BEAN1: variants seen among roughly 807,000 people sequenced by gnomAD.
The protein encoded by BEAN1 is protein BEAN1.
In BEAN1, 17 loss-of-function variants were observed where a neutral mutation model predicts 17.7. That is an observed-to-expected ratio of 0.96 (90% CI 0.66 to 1.44). The LOEUF (loss-of-function observed/expected upper bound fraction) is 1.44, where lower values mean the gene tolerates loss of function less well. Among genes scored for constraint, BEAN1 ranks in the 40% most tolerant of loss-of-function variants. BEAN1 has a pLI of 0.00. For missense variants in BEAN1, 359 were observed against 374.1 expected (o/e 0.96, Z 0.33); for synonymous variants, 142 against 151.8 (o/e 0.94, Z 0.47).
chr16:66,454,316 G>A (rs1198101385), intron 2 of BEAN1, among the ~76,000 whole-genome samples: 5 of 152,130 alleles, frequency 3.3e-5, no homozygotes, highest in Non-Finnish European at 7.4e-5. Flanking sequence ...GTCAGTTATT[G>A]AGATTGGGAC....
intron 2 of BEAN1, 128 bp from the exon 3 acceptor site, chr16:66,469,474 C>A: frequency 1.7e-6 from 2 of 1,166,510 alleles, no homozygotes; most frequent in Non-Finnish European, 2.4e-6. Context: ...GGATAGAGTC[C>A]GTGGGCCTGA....
rs547322615 is a variant in BEAN1, at chr16:66,446,012, G to A, written c.25+8311G>A. On this transcript the variant is annotated intron_variant, in intron 2 of 4. Transcript: ENST00000536005. ...AGCCTGGCCAACATAGTGAAACCCC[G>A]TCTCTACTAAAAATACAAAAATTAG... 4.6e-5 allele frequency among the ~76,000 whole-genome samples: 7 copies of A among 152,120 alleles called. No individual in the cohort carries two copies. In the South Asian group the frequency reaches 6.2e-4, roughly 14 times the overall value.
chr16:66,443,422 G>C (rs1962332119), intron 2 of BEAN1, among the ~76,000 whole-genome samples: 1 of 152,220 alleles, frequency 6.6e-6, no homozygotes, highest in Admixed American at 6.5e-5. Flanking sequence ...AAATGGTGCG[G>C]TCAGGGCTAC....
At chr16:66,460,927 T>C (rs1462867699) in intron 2 of BEAN1, among the ~76,000 whole-genome samples, 1 of 152,144 alleles carries the variant, frequency 6.6e-6, no homozygotes, top group Non-Finnish European at 1.5e-5. Context: ...TAGACCATCA[T>C]GAGGATTAAA....
chr16:66,481,054 A>ACGGCG lies in BEAN1; in HGVS notation c.*130_*131insGGCGC. On this transcript the variant is annotated 3_prime_UTR_variant, in exon 5 of 5. Coordinates refer to ENST00000536005, the MANE Select transcript of BEAN1 (RefSeq NM_001178020.3). The surrounding 1 kb of genome is among the most constrained non-coding windows in gnomAD (Gnocchi z 4.1). Reference sequence around the variant, plus strand: ...ACACACACATAGACCAAACTTGTATACACACAGACATCTACACTGACATAC... The same window carrying ACGGCG: ...ACACACACATAGACCAAACTTGTATACGGCGCACACAGACATCTACACTGACATAC... The ACGGCG allele has an allele frequency of 1.4e-6, 1 of 699,398 alleles. No individual in the cohort carries two copies. Among genetic ancestry groups the ACGGCG allele is most frequent in the Non-Finnish European group, 2.2e-6 (1 of 453,902 alleles). 43.3% of individuals were successfully genotyped at this position (699,398 alleles called of 1,614,324 possible).
intron 2 of BEAN1, among the ~76,000 whole-genome samples, chr16:66,462,805 A>G (rs1963133566): frequency 1.3e-5 from 2 of 152,212 alleles, no homozygotes; most frequent in African/African-American, 4.8e-5. Context: ...GTCTCAAAAA[A>G]AAAAAAGTCA....
rs1421055411 is a variant in BEAN1 at position 66,473,021 on chromosome 16, CTAAAAAAA to C, written c.289+3166_289+3173del. Among the ~76,000 whole-genome samples, 4 of 151,988 alleles carry C rather than the reference CTAAAAAAA, an allele frequency of 2.6e-5. No homozygotes were observed. Among genetic ancestry groups the C allele is most frequent in the Non-Finnish European group, 5.9e-5 (4 of 67,992 alleles). ...GTGACAGCAGAGAGAGACCCTGTCTCTAAAAAAATAAAAAAATTAAGACTGGGAAACTG... is the reference window on the plus strand; with the variant it reads ...GTGACAGCAGAGAGAGACCCTGTCTCTAAAAAAATTAAGACTGGGAAACTG... On this transcript the variant is annotated intron_variant, in intron 3 of 4. Coordinates refer to ENST00000536005, the MANE Select transcript of BEAN1 (RefSeq NM_001178020.3). The surrounding 1 kb of genome is among the most constrained non-coding windows in gnomAD (Gnocchi z 4.5).
intron 3 of BEAN1, among the ~76,000 whole-genome samples, chr16:66,472,144 G>T (rs1438048848): frequency 6.6e-6 from 1 of 152,224 alleles, no homozygotes; most frequent in Non-Finnish European, 1.5e-5. Context: ...CTCAAAGGCT[G>T]CCTCCTTATG....
Position 66,437,612 on chromosome 16 carries a change from C to T in BEAN1, c.-65C>T. Reference sequence around the variant, plus strand: ...CTCCGCAGGTGAGTGGAGGGGCCTTCCCTGCGAGAAGTCAGAGCTGTGCCC... The same window carrying T: ...CTCCGCAGGTGAGTGGAGGGGCCTTTCCTGCGAGAAGTCAGAGCTGTGCCC... On this transcript the variant is annotated 5_prime_UTR_variant, in exon 2 of 5. Transcript: ENST00000536005. The T allele has an allele frequency of 6.7e-7, 1 of 1,501,418 alleles. No individual in the cohort carries two copies. 93.0% of individuals were successfully genotyped at this position (1,501,418 alleles called of 1,614,324 possible).
intron 1 of BEAN1, among the ~76,000 whole-genome samples, chr16:66,435,194 G>A (rs891604961): frequency 2.0e-5 from 3 of 152,130 alleles, no homozygotes; most frequent in African/African-American, 4.8e-5. Context: ...CAGGGCAGCC[G>A]GTCTCTGGGG....
rs1376238716 is a variant in BEAN1, at chr16:66,477,701, C to A, written c.431C>A (p.Ser144Tyr). The A allele has an allele frequency of 6.5e-7, 1 of 1,547,362 alleles. No homozygotes were observed. Among genetic ancestry groups the A allele is most frequent in the East Asian group, 2.5e-5 (1 of 40,570 alleles). ...ATVLRELYPD[S>Y]PPGYEECVGP... is the part of the protein sequence containing the mutation. ...GTGCTCAGGGAGCTGTACCCAGATTCTCCACCAGGGTAAGGAGGCCTCATG... is the reference window on the plus strand; with the variant it reads ...GTGCTCAGGGAGCTGTACCCAGATTATCCACCAGGGTAAGGAGGCCTCATG... The change falls in exon 4 of 5, where the codon TCT becomes TAT. Residue 144 changes from serine (S) to tyrosine (Y), a missense_variant. Coordinates refer to ENST00000536005, the MANE Select transcript of BEAN1 (RefSeq NM_001178020.3).
At chr16:66,476,042 G>A (rs530963631) in intron 3 of BEAN1, among the ~76,000 whole-genome samples, 93 of 151,718 alleles carry the variant, frequency 6.1e-4, no homozygotes, top group African/African-American at 2.2e-3. Context: ...CCCCGGAGGC[G>A]GAGCTTGCAG....
At chr16:66,431,954 G>C (rs1394008203) in intron 1 of BEAN1, among the ~76,000 whole-genome samples, 1 of 151,806 alleles carries the variant, frequency 6.6e-6, no homozygotes, top group African/African-American at 2.4e-5. Context: ...TCACAGGCTC[G>C]CACCACCATG....
At chr16:66,443,432 C>T (rs575325403) in intron 2 of BEAN1, among the ~76,000 whole-genome samples, 166 of 152,308 alleles carry the variant, frequency 1.1e-3, no homozygotes, top group African/African-American at 2.8e-3. Flanking sequence ...GTCAGGGCTA[C>T]GCCCCAAGTG....
In BEAN1 at chr16:66,492,272, C is replaced by G. The variant is rs1314566804; in HGVS notation, c.148-690C>G. On this transcript the variant is annotated intron_variant, in intron 4 of 4. Transcript: ENST00000561796. The stretch of plus-strand genomic sequence containing the variant: ...GGCCAGGCTGGTCTCAAACTCCTGA[C>G]CTGAAGTGATCTTCCTGCCTCGCCC... 2.0e-5 allele frequency among the ~76,000 whole-genome samples: 3 copies of G among 151,718 alleles called. No individual in the cohort carries two copies. In the East Asian group the frequency reaches 5.9e-4, roughly 30 times the overall value.
At chr16:66,465,524 C>T (rs1473341936) in intron 2 of BEAN1, among the ~76,000 whole-genome samples, 2 of 152,148 alleles carry the variant, frequency 1.3e-5, no homozygotes, top group Non-Finnish European at 2.9e-5. Flanking sequence ...TAAAATTTAT[C>T]ACTTTAACCA....
chr16:66,490,639 C>T (rs1448420372), intron 4 of BEAN1, among the ~76,000 whole-genome samples: 5 of 152,014 alleles, frequency 3.3e-5, no homozygotes, highest in African/African-American at 9.7e-5. Context: ...CAGCCTGTCC[C>T]GCACACTAGC....
At position 66,434,290 on chromosome 16, in the gene BEAN1, C is replaced by T. The variant is rs1178373265; in HGVS notation, c.-82-3305C>T. 6.7e-6 allele frequency among the ~76,000 whole-genome samples: 1 copy of T among 149,642 alleles called. No homozygotes were observed. Among genetic ancestry groups the T allele is most frequent in the African/African-American group, 2.4e-5 (1 of 40,884 alleles). Reference sequence around the variant, plus strand: ...CCATCTGTGCCCCTCATGGCTGTCTCCTCTCAGCAACTTCAGTCACATGCG... The same window carrying T: ...CCATCTGTGCCCCTCATGGCTGTCTTCTCTCAGCAACTTCAGTCACATGCG... On this transcript the variant is annotated intron_variant, in intron 1 of 4. Coordinates refer to ENST00000536005, the MANE Select transcript of BEAN1 (RefSeq NM_001178020.3). This position sits in a 1 kb window ranked among gnomAD's most constrained non-coding sequence, Gnocchi z 4.3.
Position 66,477,637 on chromosome 16 carries a change from C to T in BEAN1, c.367C>T (p.Pro123Ser), listed in dbSNP as rs1319112447. The change falls in exon 4 of 5, where the codon CCC becomes TCC. Residue 123 changes from proline to serine, a missense_variant. Pro to Ser is a moderately conservative substitution (Grantham distance 74, BLOSUM62 -1). Transcript: ENST00000536005. Reference sequence around the variant, plus strand: ...CAGCTCCTCAGAGGACTGGCCCCCACCCTTGGACATCAGCTCTGACGGGGA... The same window carrying T: ...CAGCTCCTCAGAGGACTGGCCCCCATCCTTGGACATCAGCTCTGACGGGGA... The part of the protein sequence containing the change: ...ACSSSEDWPP[P>S]LDISSDGDVD... 1.3e-6 allele frequency: 2 copies of T among 1,551,254 alleles called. No individual in the cohort carries two copies. The highest frequency in any genetic ancestry group is 1.2e-5 in the South Asian group (1 of 83,962).
Sources: allele counts gnomAD v4.1 joint callset (sites outside exome capture counted in the v4.1 genomes callset), GRCh38; gene constraint gnomAD v4.1.1; non-coding constraint Gnocchi (gnomAD v3.1); transcripts MANE v1.5; gene names NCBI Gene and HGNC (gene_info 2026-07-23, HGNC 2026-07-21).